PTPDC1: variants seen among roughly 807,000 people sequenced by gnomAD.
PTPDC1 encodes protein tyrosine phosphatase domain-containing protein 1.
A neutral mutation model predicts 75.3 loss-of-function variants in PTPDC1; 53 were observed. The ratio of observed to expected loss-of-function variants is 0.70; its 90% CI spans 0.56 to 0.88. The LOEUF (loss-of-function observed/expected upper bound fraction) is 0.88. Ranked by LOEUF, PTPDC1 falls within the 40% of genes least tolerant of loss-of-function variation. The pLI, the probability that PTPDC1 is intolerant of heterozygous loss-of-function variation, is 0.00. For missense variants in PTPDC1, 925 were observed against 998.6 expected (o/e 0.93, Z 0.99); for synonymous variants, 349 against 366.2 (o/e 0.95, Z 0.54).
intron 1 of PTPDC1, among the ~76,000 whole-genome samples, chr9:94,055,484 T>A (rs1825904750): frequency 6.6e-6 from 1 of 152,214 alleles, no homozygotes; most frequent in Non-Finnish European, 1.5e-5. Context: ...TAAACTGTGA[T>A]GTATCCAGAC....
intron 1 of PTPDC1, among the ~76,000 whole-genome samples, chr9:94,042,049 G>A (rs537458364): frequency 2.6e-5 from 4 of 152,242 alleles, no homozygotes; most frequent in African/African-American, 9.6e-5. Context: ...GAATCTAACT[G>A]AGAACTACAC....
intron 1 of PTPDC1, among the ~76,000 whole-genome samples, chr9:94,032,483 G>A (rs1004257973): frequency 6.6e-6 from 1 of 152,218 alleles, no homozygotes; most frequent in Admixed American, 6.5e-5. Context: ...CCAGACAAGT[G>A]ACCATTCAAG....
intron 1 of PTPDC1, among the ~76,000 whole-genome samples, chr9:94,048,475 T>C (rs1470647406): frequency 4.6e-5 from 7 of 152,220 alleles, no homozygotes; most frequent in South Asian, 2.1e-4. Flanking sequence ...CAGTAGTCAT[T>C]CAGGAGTAGG....
intron 1 of PTPDC1, chr9:94,064,584 G>A: frequency 1.7e-6 from 1 of 581,812 alleles, no homozygotes; most frequent in Non-Finnish European, 3.0e-6. Context: ...ACACTTAACA[G>A]CACATCTCAA....
chr9:94,102,350 A>G, intron 7 of PTPDC1, among the ~76,000 whole-genome samples: 1 of 151,470 alleles, frequency 6.6e-6, no homozygotes, highest in East Asian at 1.9e-4. Flanking sequence ...TATATTTTAT[A>G]TATAAAAGAT....
At chr9:94,034,270 G>A (rs1055232862) in intron 1 of PTPDC1, among the ~76,000 whole-genome samples, 6 of 152,146 alleles carry the variant, frequency 3.9e-5, no homozygotes, top group Non-Finnish European at 7.4e-5. Context: ...AGTGGTTCAC[G>A]CCTGTAATTC....
chr9:94,064,147 C>G (rs1165633788), intron 1 of PTPDC1, among the ~76,000 whole-genome samples: 1 of 152,116 alleles, frequency 6.6e-6, no homozygotes, highest in Non-Finnish European at 1.5e-5. Flanking sequence ...TATCTGGAAG[C>G]TCAAAAATGT....
At chr9:94,055,415 TTCA>T (rs1825901107) in intron 1 of PTPDC1, among the ~76,000 whole-genome samples, 1 of 152,230 alleles carries the variant, frequency 6.6e-6, no homozygotes, top group Non-Finnish European at 1.5e-5. Context: ...AGCGGTTTTG[TTCA>T]TCATTGCTTA....
chr9:94,097,240 G>C, intron 5 of PTPDC1, 81 bp from the exon 6 acceptor site: 1 of 917,116 alleles, frequency 1.1e-6, no homozygotes, highest in Non-Finnish European at 1.7e-6. Flanking sequence ...TATTCAAATT[G>C]TAAATCATCA....
At chr9:94,080,515 G>A (rs1025923522), upstream of PTPDC1, among the ~76,000 whole-genome samples, 1 of 152,182 alleles carries the variant, frequency 6.6e-6, no homozygotes, top group Non-Finnish European at 1.5e-5. Context: ...CCTGGCAGCA[G>A]TAACACTCTA....
At chr9:94,061,455 T>C (rs1826132560) in intron 1 of PTPDC1, among the ~76,000 whole-genome samples, 1 of 152,252 alleles carries the variant, frequency 6.6e-6, no homozygotes, top group Non-Finnish European at 1.5e-5. Context: ...GTGGGGACTC[T>C]GTGTAGGGGG....
At chr9:94,093,416 A>T (rs1392583160) in intron 4 of PTPDC1, among the ~76,000 whole-genome samples, 1 of 144,786 alleles carries the variant, frequency 6.9e-6, no homozygotes, top group Non-Finnish European at 1.5e-5. Flanking sequence ...ATTGGCCCCC[A>T]CTCTCTTCTG....
rs1291443503 is a variant in PTPDC1 at position 94,098,511 on chromosome 9, A to C, written c.1945A>C (p.Lys649Gln). 1.9e-6 allele frequency: 3 copies of C among 1,614,244 alleles called. No individual in the cohort carries two copies. Among genetic ancestry groups the C allele is most frequent in the Non-Finnish European group, 1.7e-6 (2 of 1,180,034 alleles). The change falls in exon 6 of 9, where the codon AAA (lysine) becomes CAA (glutamine). Residue 649 changes from lysine (K) to glutamine (Q), a missense_variant. Lys to Gln is a moderately conservative substitution (Grantham distance 53). Transcript: ENST00000620992. ...SAEARRILAA[K>Q]ALANLNESVE... ...TGAGGCAAGAAGAATACTGGCGGCC[A>C]AAGCCCTAGCAAATTTAAATGAATC... is the stretch of plus-strand genomic sequence containing the variant.
chr9:94,098,163 A>G lies in PTPDC1; in HGVS notation c.1597A>G (p.Ile533Val). 22 of 1,614,222 alleles carry G rather than the reference A, an allele frequency of 1.4e-5. No individual in the cohort carries two copies. The highest frequency in any genetic ancestry group is 1.9e-5 in the Non-Finnish European group (22 of 1,180,040). The change falls in exon 6 of 9, where the codon ATC (isoleucine) becomes GTC (valine). Residue 533 changes from isoleucine to valine, a missense_variant. Coordinates refer to ENST00000620992, the MANE Select transcript of PTPDC1 (RefSeq NM_001253829.2). ...DNGSPIFHGR[I>V]IPKEAQQSGA... ...TGGGTCACCAATTTTCCATGGAAGG[A>G]TCATTCCAAAGGAAGCACAGCAGAG...
intron 2 of PTPDC1, among the ~76,000 whole-genome samples, chr9:94,076,606 T>C (rs1043778711): frequency 6.6e-6 from 1 of 152,196 alleles, no homozygotes; most frequent in African/African-American, 2.4e-5. Context: ...TGATGGGCAT[T>C]TGGACTCTTT....
At chr9:94,097,220 T>G (rs1827611766) in intron 5 of PTPDC1, 101 bp from the exon 6 acceptor site, 1 of 798,992 alleles carries the variant, frequency 1.3e-6, no homozygotes, top group Non-Finnish European at 2.0e-6. Context: ...TTATATGGTT[T>G]CTTAACACAT....
rs1427192435 is a variant in PTPDC1, at chr9:94,085,534, C to G, written c.416+112C>G. 4.5e-6 allele frequency: 5 copies of G among 1,118,164 alleles called. No homozygotes were observed. The East Asian group carries it at 1.2e-4, about 28-fold the overall frequency. 69.3% of individuals were successfully genotyped at this position (1,118,164 alleles called of 1,614,324 possible). ...GCAGTGTGGGACTTTGAAGTCAGGA[C>G]CTCACTTTGCCAGTCAGTTCTGGCT... On this transcript the variant is annotated intron_variant, in intron 2 of 8. Transcript: ENST00000620992.
chr9:94,036,706 A>G (rs1250557675), intron 1 of PTPDC1, among the ~76,000 whole-genome samples: 2 of 152,192 alleles, frequency 1.3e-5, no homozygotes, highest in Non-Finnish European at 2.9e-5. Context: ...CAATCTCTGG[A>G]TTAGACTTCC....
At chr9:94,055,935 A>T (rs1237488226) in intron 1 of PTPDC1, among the ~76,000 whole-genome samples, 1 of 152,180 alleles carries the variant, frequency 6.6e-6, no homozygotes, top group Non-Finnish European at 1.5e-5. Context: ...AGAATGCACA[A>T]CACAGAGTTA....
Sources: gnomAD v4.1 joint callset for allele counts (sites outside exome capture counted in the v4.1 genomes callset) on GRCh38, gnomAD v4.1.1 for gene constraint, MANE v1.5 for transcripts, NCBI Gene and HGNC (gene_info 2026-07-23, HGNC 2026-07-21) for gene names.